The following DMD variants were observed in gnomAD, a reference collection of about 807,000 sequenced individuals.
DMD encodes mutant dystrophin.
In DMD, 63 loss-of-function variants were observed where a neutral mutation model predicts 330.1. The ratio of observed to expected loss-of-function variants is 0.19; its 90% CI spans 0.16 to 0.24. DMD has a LOEUF of 0.24. DMD is among the 10% of genes least tolerant of loss of function. The pLI, the probability that DMD is intolerant of heterozygous loss-of-function variation, is 1.00. For synonymous variants in DMD, 1,223 were observed against 959.8 expected, an observed-to-expected ratio of 1.27 and a Z score of -5.07; for missense variants, 3,344 against 2,684.1, an observed-to-expected ratio of 1.25 and a Z score of -5.43.
At chrX:32,188,952 A>G (rs2096959572) in intron 44 of DMD, among the ~76,000 whole-genome samples, 1 of 110,742 alleles carries the variant, frequency 9.0e-6, no homozygotes, top group South Asian at 3.7e-4. Flanking sequence ...TCTTATGTAT[A>G]TTTTTATGCT....
intron 55 of DMD, among the ~76,000 whole-genome samples, chrX:31,621,556 C>T (rs749423086): frequency 1.6e-3 from 178 of 111,812 alleles, no homozygotes; most frequent in Non-Finnish European, 2.2e-3. Flanking sequence ...CTGAGCCCTT[C>T]GAGTCCAATA....
At chrX:32,918,368 G>C (rs1261479535) in intron 2 of DMD, among the ~76,000 whole-genome samples, 1 of 111,237 alleles carries the variant, frequency 9.0e-6, no homozygotes, top group Non-Finnish European at 1.9e-5. Context: ...ATTTTTTCGT[G>C]TGTGTGACAA....
intron 62 of DMD, among the ~76,000 whole-genome samples, chrX:31,296,748 AT>A (rs1222344867): frequency 8.9e-6 from 1 of 112,009 alleles, no homozygotes; most frequent in Non-Finnish European, 1.9e-5. Context: ...ATGCCAAGTC[AT>A]AAATGCTCTC....
upstream of DMD, among the ~76,000 whole-genome samples, chrX:33,212,511 T>A (rs1449367524): frequency 8.9e-6 from 1 of 112,067 alleles, no homozygotes; most frequent in African/African-American, 3.2e-5. Flanking sequence ...GTTATAATAA[T>A]CCCTACTAAA....
In DMD at chrX:32,554,965, AAGAGAGAG is replaced by A. The variant is rs201281719; in HGVS notation, c.1993-9639_1993-9632del. 2.4e-3 allele frequency among the ~76,000 whole-genome samples: 229 copies of A among 96,750 alleles called. 3 individuals carry two copies. The highest frequency in any genetic ancestry group is 7.7e-3 in the African/African-American group (206 of 26,816). The allele number at this position is 96,750 out of a possible 115,157, so 84.0% of individuals were successfully genotyped here. A position where few individuals can be genotyped will look rare whatever the true frequency, so the allele number is the denominator to read the frequency against. ...AGAGAGAGAGAGGGAGAGAGAAAGA[AAGAGAGAG>A]AGAGAGAGAGAAAGAAAGAGAGAAA... is the stretch of plus-strand genomic sequence containing the variant. On this transcript the variant is annotated intron_variant, in intron 16 of 78. Coordinates refer to ENST00000357033, the MANE Select transcript of DMD (RefSeq NM_004006.3).
At chrX:33,195,073 A>G (rs1394501616) in intron 1 of DMD, among the ~76,000 whole-genome samples, 2 of 111,511 alleles carry the variant, frequency 1.8e-5, no homozygotes, top group African/African-American at 6.5e-5. Context: ...GCTTGTGCAC[A>G]CATATTTATC....
At chrX:32,536,958 TA>T (rs1246279515) in intron 17 of DMD, among the ~76,000 whole-genome samples, 6 of 112,024 alleles carry the variant, frequency 5.4e-5, no homozygotes, top group Non-Finnish European at 1.1e-4. Flanking sequence ...AGAAATCAGT[TA>T]AAAATTTCAT....
intron 1 of DMD, among the ~76,000 whole-genome samples, chrX:33,158,471 T>C (rs1381982055): frequency 9.0e-6 from 1 of 111,198 alleles, no homozygotes; most frequent in Non-Finnish European, 1.9e-5. Context: ...TGGAAAGAGC[T>C]CTCTTTACTT....
chrX:32,741,152 G>A (rs373043931), intron 7 of DMD, among the ~76,000 whole-genome samples: 1 of 111,296 alleles, frequency 9.0e-6, no homozygotes, highest in Admixed American at 9.6e-5. Context: ...TCATAATAAC[G>A]CAAGAAAAAT....
At chrX:33,187,597 G>A (rs2050321573) in intron 1 of DMD, among the ~76,000 whole-genome samples, 1 of 111,810 alleles carries the variant, frequency 8.9e-6, no homozygotes, top group South Asian at 3.7e-4. Flanking sequence ...AAAAAATAAG[G>A]TAGTTTAGCA....
intron 9 of DMD, among the ~76,000 whole-genome samples, chrX:32,661,071 T>G (rs2060912093): frequency 9.1e-6 from 1 of 110,235 alleles, no homozygotes; most frequent in Non-Finnish European, 1.9e-5. Context: ...TCAAATTATC[T>G]GAAAACCTGT....
intron 44 of DMD, among the ~76,000 whole-genome samples, chrX:32,122,552 G>A (rs1451722798): frequency 9.0e-6 from 1 of 111,374 alleles, no homozygotes; most frequent in Non-Finnish European, 1.9e-5. Flanking sequence ...TTAGAGAAAT[G>A]CTGGCCACAG....
intron 1 of DMD, among the ~76,000 whole-genome samples, chrX:33,301,620 G>A (rs1471988663): frequency 8.9e-6 from 1 of 111,947 alleles, no homozygotes; most frequent in African/African-American, 3.2e-5. Context: ...CTGTAGGCTG[G>A]TGAGGTGTCT....
intron 2 of DMD, among the ~76,000 whole-genome samples, chrX:32,938,914 G>C: frequency 9.1e-6 from 1 of 110,450 alleles, no homozygotes; most frequent in East Asian, 2.8e-4. Context: ...TGGAATCCCT[G>C]AGGATATCCG....
In DMD at chrX:32,656,733, G is replaced by A. The variant is rs150691862; in HGVS notation, c.961-11581C>T. Among the ~76,000 whole-genome samples, 63 of 111,588 alleles carry A rather than the reference G, an allele frequency of 5.6e-4. No homozygotes were observed. In the East Asian group the frequency reaches 0.015, roughly 27 times the overall value. On this transcript the variant is annotated intron_variant, in intron 9 of 78. Coordinates refer to ENST00000357033, the MANE Select transcript of DMD (RefSeq NM_004006.3). ...ACTAACCCTTGCATTGTAGGAAGGC[G>A]GGGACACTGACCCCGTGCCTAACAG...
chrX:31,378,003 C>T (rs1487830568), intron 60 of DMD, among the ~76,000 whole-genome samples: 1 of 111,179 alleles, frequency 9.0e-6, no homozygotes, highest in Non-Finnish European at 1.9e-5. Flanking sequence ...AAACCACCCC[C>T]CATTTGACTG....
At chrX:32,831,058 A>G (rs1341417912) in intron 4 of DMD, among the ~76,000 whole-genome samples, 2 of 111,005 alleles carry the variant, frequency 1.8e-5, no homozygotes, top group Admixed American at 1.9e-4. Flanking sequence ...ATAATTTTGT[A>G]TAACAATATA....
chrX:32,192,736 G>T (rs1011262767), intron 44 of DMD, among the ~76,000 whole-genome samples: 2 of 111,758 alleles, frequency 1.8e-5, no homozygotes, highest in East Asian at 5.6e-4. Flanking sequence ...AAGGACTACA[G>T]ATAAGGCTTC....
At chrX:31,805,453 T>C (rs1046301907) in intron 50 of DMD, among the ~76,000 whole-genome samples, 2 of 112,189 alleles carry the variant, frequency 1.8e-5, no homozygotes, top group African/African-American at 6.5e-5. Context: ...TACTTCTACT[T>C]AGGTATATTT....
Sources: gnomAD v4.1 joint callset for allele counts (sites outside exome capture counted in the v4.1 genomes callset) on GRCh38, gnomAD v4.1.1 for gene constraint, MANE v1.5 for transcripts, NCBI Gene and HGNC (gene_info 2026-07-23, HGNC 2026-07-21) for gene names.